Variants in CDK2AP1 observed in about 807,000 individuals in gnomAD.
CDK2AP1 encodes cyclin dependent kinase 2 associated protein 1, also known as cyclin-dependent kinase 2-associated protein 1.
Under a neutral mutation model 14.1 loss-of-function variants are expected in CDK2AP1, and 10 were observed. The ratio of observed to expected loss-of-function variants is 0.71; its 90% CI spans 0.44 to 1.20. The LOEUF (loss-of-function observed/expected upper bound fraction) is 1.20. Among genes scored for constraint, CDK2AP1 ranks in the 50% most tolerant of loss-of-function variants. The pLI, the probability that CDK2AP1 is intolerant of heterozygous loss-of-function variation, is 0.00. For synonymous variants in CDK2AP1, 59 were observed against 59.8 expected (o/e 0.99, Z 0.06); for missense variants, 102 against 149.9 (o/e 0.68, Z 1.67).
Position 123,271,665 on chromosome 12 carries a change from G to A in CDK2AP1, c.-47C>T, listed in dbSNP as rs934680507. The A allele has an allele frequency of 2.8e-4, 233 of 833,230 alleles. No individual in the cohort carries two copies. The highest frequency in any genetic ancestry group is 3.2e-4 in the Non-Finnish European group (224 of 693,826). 51.6% of individuals were successfully genotyped at this position (833,230 alleles called of 1,614,324 possible). On this transcript the variant is annotated 5_prime_UTR_variant, in exon 1 of 4. Coordinates refer to ENST00000261692, the MANE Select transcript of CDK2AP1 (RefSeq NM_004642.4). ...CGGGCGCGGCGGGGCCAGGCCGCGA[G>A]GGCGGCGGCGGCGGCGGCGAGGCCG...
chr12:123,269,669 C>T (rs1339042627), intron 1 of CDK2AP1, among the ~76,000 whole-genome samples: 1 of 152,058 alleles, frequency 6.6e-6, no homozygotes, highest in Non-Finnish European at 1.5e-5. Flanking sequence ...CCACTTGGGG[C>T]GCCTGGGGGG....
In CDK2AP1 at chr12:123,266,238, C is replaced by G. The variant is rs530109979; in HGVS notation, c.154-916G>C. On this transcript the variant is annotated intron_variant, in intron 2 of 3. Transcript: ENST00000261692. ...CTCCGGCTGCTCTGCCTCCCCACGG[C>G]ACTGCCTCCAGGCCTCACGGGCCTC... Among the ~76,000 whole-genome samples, 21 of 152,356 alleles carry G rather than the reference C, an allele frequency of 1.4e-4. No individual in the cohort carries two copies. The South Asian group carries it at 2.5e-3, about 18-fold the overall frequency.
At chr12:123,270,179 G>A (rs2048341062) in intron 1 of CDK2AP1, 1 of 980,484 alleles carries the variant, frequency 1.0e-6, no homozygotes, top group African/African-American at 1.8e-5. Context: ...AGTCCTACCT[G>A]GCAACAAAGC....
chr12:123,261,185 TTCTG>T lies in CDK2AP1; in HGVS notation c.*547_*550del, dbSNP rs1447620831. On this transcript the variant is annotated 3_prime_UTR_variant, in exon 4 of 4. Coordinates refer to ENST00000261692, the MANE Select transcript of CDK2AP1 (RefSeq NM_004642.4). ...GTTAGGTTTGGTGGGTTGCTCTTTCTTCTGTATTTATAACTTGTGCATTTTTAAA... is the reference window on the plus strand; with the variant it reads ...GTTAGGTTTGGTGGGTTGCTCTTTCTTATTTATAACTTGTGCATTTTTAAA... 1 of 152,656 alleles carries T rather than the reference TTCTG, an allele frequency of 6.6e-6. No individual in the cohort carries two copies. The highest frequency in any genetic ancestry group is 2.4e-5 in the African/African-American group (1 of 41,466). The allele number at this position is 152,656 out of a possible 1,614,324, so 9.5% of individuals were successfully genotyped here. A position where few individuals can be genotyped will look rare whatever the true frequency, so the allele number is the denominator to read the frequency against.
chr12:123,264,717 A>G (rs533012933), intron 3 of CDK2AP1, among the ~76,000 whole-genome samples: 61 of 152,224 alleles, frequency 4.0e-4, no homozygotes, highest in Middle Eastern at 3.4e-3. Context: ...ATTAAAGAAC[A>G]AAGTGCTCTC....
intron 1 of CDK2AP1, among the ~76,000 whole-genome samples, chr12:123,269,496 G>C (rs1566005859): frequency 6.6e-6 from 1 of 152,274 alleles, no homozygotes; most frequent in African/African-American, 2.4e-5. Context: ...CCAGGACACA[G>C]GGACCACGTC....
At chr12:123,264,529 G>C (rs1485657721) in intron 3 of CDK2AP1, among the ~76,000 whole-genome samples, 1 of 148,146 alleles carries the variant, frequency 6.8e-6, no homozygotes, top group Non-Finnish European at 1.5e-5. Context: ...TGCGTTCATG[G>C]GCTATGGCTC....
chr12:123,266,801 C>T (rs929333773), intron 2 of CDK2AP1, among the ~76,000 whole-genome samples: 3 of 152,246 alleles, frequency 2.0e-5, no homozygotes, highest in African/African-American at 7.2e-5. Flanking sequence ...GGCCCGCGCC[C>T]GTGGAGAGCA....
chr12:123,266,192 C>T (rs993718494), intron 2 of CDK2AP1, among the ~76,000 whole-genome samples: 5 of 152,248 alleles, frequency 3.3e-5, no homozygotes, highest in African/African-American at 7.2e-5. Context: ...TGGCCTCGCG[C>T]TCTGTCCTGT....
At chr12:123,264,063 C>A (rs1032470060) in intron 3 of CDK2AP1, among the ~76,000 whole-genome samples, 4 of 147,186 alleles carry the variant, frequency 2.7e-5, no homozygotes, top group African/African-American at 1.0e-4. Context: ...GGGCCGAGAT[C>A]GTGCCACTGC....
Position 123,265,090 on chromosome 12 carries a change from A to G in CDK2AP1, c.280+106T>C. The G allele has an allele frequency of 2.1e-6, 3 of 1,457,962 alleles. No homozygotes were observed. The highest frequency in any genetic ancestry group is 2.8e-6 in the Non-Finnish European group (3 of 1,057,066). 90.3% of individuals were successfully genotyped at this position (1,457,962 alleles called of 1,614,324 possible). A position where few individuals can be genotyped will look rare whatever the true frequency, so the allele number is the denominator to read the frequency against. On this transcript the variant is annotated intron_variant, in intron 3 of 3. Coordinates refer to ENST00000261692, the MANE Select transcript of CDK2AP1 (RefSeq NM_004642.4). The surrounding 1 kb of genome is among the most constrained non-coding windows in gnomAD (Gnocchi z 5.3). ...CTGTAACAAGACAGGAGCTCCCATG[A>G]GTGAGCCTCATCCCTAGCCCACCTT...
intron 1 of CDK2AP1, chr12:123,268,382 G>T: frequency 4.5e-6 from 1 of 223,952 alleles, no homozygotes; most frequent in Non-Finnish European, 7.5e-6. Context: ...GAGGAGCACT[G>T]GAGAACCCTG....
At chr12:123,264,409 G>A (rs1022674588) in intron 3 of CDK2AP1, among the ~76,000 whole-genome samples, 2 of 141,718 alleles carry the variant, frequency 1.4e-5, no homozygotes, top group East Asian at 2.0e-4. Flanking sequence ...GCGGTGAGCC[G>A]AGATTGCACC....
intron 1 of CDK2AP1, chr12:123,268,068 G>A (rs1383216821): frequency 5.4e-6 from 3 of 551,192 alleles, no homozygotes; most frequent in Non-Finnish European, 6.9e-6. Flanking sequence ...AGGGGAGTCC[G>A]TGGCTAGGAG....
intron 3 of CDK2AP1, among the ~76,000 whole-genome samples, chr12:123,264,392 G>A (rs1267880760): frequency 1.3e-5 from 2 of 148,522 alleles, no homozygotes; most frequent in African/African-American, 2.5e-5. Context: ...CCCAGGAGGC[G>A]GAGGTTGCGG....
chr12:123,261,808 A>G lies in CDK2AP1; in HGVS notation c.281-5T>C. On this transcript the variant is annotated splice_region_variant and splice_polypyrimidine_tract_variant and intron_variant, in intron 3 of 3. Coordinates refer to ENST00000261692, the MANE Select transcript of CDK2AP1 (RefSeq NM_004642.4). ...GTCCTCTAGCGTGAATGATGCCTGA[A>G]ACAGAGGCAGAGACCTGAGGTCAGC... 6.2e-7 allele frequency: 1 copy of G among 1,610,672 alleles called. No homozygotes were observed. The highest frequency in any genetic ancestry group is 1.7e-5 in the Admixed American group (1 of 60,004).
chr12:123,263,464 T>TG (rs1566002743), intron 3 of CDK2AP1, among the ~76,000 whole-genome samples: 1 of 152,178 alleles, frequency 6.6e-6, no homozygotes, highest in Non-Finnish European at 1.5e-5. Flanking sequence ...CTTTTCTGGG[T>TG]GACTGCAAAT....
At chr12:123,263,219 A>C (rs969450143) in intron 3 of CDK2AP1, among the ~76,000 whole-genome samples, 26 of 151,252 alleles carry the variant, frequency 1.7e-4, no homozygotes, top group Middle Eastern at 3.2e-3. Flanking sequence ...TCAAAAAAAA[A>C]AAAAAAACAA....
intron 3 of CDK2AP1, among the ~76,000 whole-genome samples, chr12:123,263,107 G>A (rs1442013661): frequency 6.8e-6 from 1 of 146,742 alleles, no homozygotes. Flanking sequence ...CCAGCTACTC[G>A]GGAGGCTGAG....
Sources: allele counts gnomAD v4.1 joint callset (sites outside exome capture counted in the v4.1 genomes callset), GRCh38; gene constraint gnomAD v4.1.1; non-coding constraint Gnocchi (gnomAD v3.1); transcripts MANE v1.5; gene names NCBI Gene and HGNC (gene_info 2026-07-23, HGNC 2026-07-21).